Variants in KCNH5 observed in about 807,000 individuals in gnomAD.
KCNH5 encodes the protein voltage-gated delayed rectifier potassium channel KCNH5.
KCNH5 carries 46 observed loss-of-function variants against 96.1 expected under a neutral mutation model. The observed-to-expected ratio is 0.48, with a 90% CI of 0.38 to 0.61. The LOEUF (loss-of-function observed/expected upper bound fraction) is 0.61, where lower values mean the gene tolerates loss of function less well. Ranked by LOEUF, KCNH5 falls within the 20% of genes least tolerant of loss-of-function variation. The pLI is 0.00. For missense variants in KCNH5, 907 were observed against 1,225.8 expected, an observed-to-expected ratio of 0.74 and a Z score of 3.88; for synonymous variants, 439 against 449.8, an observed-to-expected ratio of 0.98 and a Z score of 0.30.
chr14:62,814,872 G>C (rs1394436761), intron 8 of KCNH5, among the ~76,000 whole-genome samples: 1 of 140,956 alleles, frequency 7.1e-6, no homozygotes, highest in Non-Finnish European at 1.5e-5. Flanking sequence ...TGGCTATATT[G>C]TAACAGTTGA....
intron 3 of KCNH5, among the ~76,000 whole-genome samples, chr14:63,003,025 G>A (rs898155885): frequency 4.6e-5 from 7 of 152,118 alleles, no homozygotes; most frequent in Admixed American, 3.3e-4. Flanking sequence ...GCTTGAGGCA[G>A]AAGGGTCATA....
At chr14:62,961,968 C>T (rs960807130) in intron 6 of KCNH5, among the ~76,000 whole-genome samples, 5 of 128,378 alleles carry the variant, frequency 3.9e-5, no homozygotes, top group Admixed American at 7.9e-5. Flanking sequence ...CAGATGGAGA[C>T]GGAGATGCAG....
intron 7 of KCNH5, among the ~76,000 whole-genome samples, chr14:62,907,620 T>C (rs572983223): frequency 1.3e-5 from 2 of 152,180 alleles, no homozygotes; most frequent in African/African-American, 4.8e-5. Context: ...GTCTGGAAAT[T>C]GAGGGTCAAT....
chr14:62,916,871 G>A (rs1360830149), intron 7 of KCNH5, among the ~76,000 whole-genome samples: 1 of 152,160 alleles, frequency 6.6e-6, no homozygotes, highest in Non-Finnish European at 1.5e-5. Context: ...TAAGGAAAGA[G>A]GTCCAGACAA....
intron 9 of KCNH5, among the ~76,000 whole-genome samples, chr14:62,780,326 G>GC (rs1229308524): frequency 1.3e-5 from 2 of 152,172 alleles, no homozygotes; most frequent in Admixed American, 1.3e-4. Flanking sequence ...TGCTGTAACA[G>GC]CCTTTATAAA....
Position 62,950,410 on chromosome 14 carries a change from G to A in KCNH5, c.1092C>T (p.Ala364=). ...AGTCTCCGATGCTATACCATATGCA[G>A]GCCAGCCAGTGGGCCACCAGTCCAA... The part of the protein sequence containing the change: ...CVFGLVAHWL[A]CIWYSIGDYE... The change falls in exon 7 of 11, where the codon GCC becomes GCT. Residue 364 remains alanine, a synonymous_variant. Coordinates refer to ENST00000322893, the MANE Select transcript of KCNH5 (RefSeq NM_139318.5). 1 of 1,613,942 alleles carries A rather than the reference G, an allele frequency of 6.2e-7. No homozygotes were observed. Among genetic ancestry groups the A allele is most frequent in the Non-Finnish European group, 8.5e-7 (1 of 1,179,970 alleles).
chr14:62,911,739 T>A, intron 7 of KCNH5, among the ~76,000 whole-genome samples: 2 of 150,564 alleles, frequency 1.3e-5, no homozygotes, highest in Non-Finnish European at 1.5e-5. Context: ...TTTTTTTAAC[T>A]CAAAAACTGT....
At chr14:63,044,325 G>A (rs1487581884) in intron 1 of KCNH5, among the ~76,000 whole-genome samples, 1 of 152,154 alleles carries the variant, frequency 6.6e-6, no homozygotes, top group Non-Finnish European at 1.5e-5. Context: ...GGAAATGAAT[G>A]TATAAATGGA....
chr14:62,916,568 T>C (rs1233957333), intron 7 of KCNH5, among the ~76,000 whole-genome samples: 1 of 152,230 alleles, frequency 6.6e-6, no homozygotes, highest in African/African-American at 2.4e-5. Flanking sequence ...TGTTGTGCCA[T>C]TGACGTGCCT....
At chr14:62,853,850 T>G (rs1196318275) in intron 7 of KCNH5, among the ~76,000 whole-genome samples, 1 of 151,562 alleles carries the variant, frequency 6.6e-6, no homozygotes, top group Non-Finnish European at 1.5e-5. Flanking sequence ...CTACTAAAAA[T>G]ACAAAAATTA....
chr14:63,011,560 G>A (rs1025488106), intron 2 of KCNH5, among the ~76,000 whole-genome samples: 3 of 151,906 alleles, frequency 2.0e-5, no homozygotes, highest in Non-Finnish European at 2.9e-5. Context: ...TTTATACAGA[G>A]GATCATAACC....
intron 10 of KCNH5, among the ~76,000 whole-genome samples, chr14:62,721,078 T>C (rs1247065465): frequency 6.6e-6 from 1 of 152,188 alleles, no homozygotes; most frequent in Non-Finnish European, 1.5e-5. Context: ...CCTTTATTAT[T>C]CTCTTAGTCA....
intron 10 of KCNH5, among the ~76,000 whole-genome samples, chr14:62,750,350 C>T (rs1217532898): frequency 6.6e-6 from 1 of 152,166 alleles, no homozygotes; most frequent in Admixed American, 6.5e-5. Context: ...TGATTAGCAC[C>T]TGATATTAAC....
chr14:62,966,469 A>T (rs1369775530), intron 6 of KCNH5, among the ~76,000 whole-genome samples: 1 of 152,212 alleles, frequency 6.6e-6, no homozygotes, highest in Non-Finnish European at 1.5e-5. Flanking sequence ...CAAGTACTGG[A>T]GCCATCTTGA....
chr14:62,845,416 T>C (rs1887670802), intron 8 of KCNH5, among the ~76,000 whole-genome samples: 1 of 152,178 alleles, frequency 6.6e-6, no homozygotes, highest in Admixed American at 6.5e-5. Context: ...ATGGCATAGA[T>C]AGATAATTGA....
At chr14:62,817,384 T>C (rs1269215523) in intron 8 of KCNH5, among the ~76,000 whole-genome samples, 2 of 148,372 alleles carry the variant, frequency 1.3e-5, no homozygotes, top group African/African-American at 2.5e-5. Flanking sequence ...AGCTTAAGAA[T>C]ACAATGAACA....
intron 1 of KCNH5, among the ~76,000 whole-genome samples, chr14:63,033,937 T>A (rs1891676201): frequency 6.6e-6 from 1 of 152,154 alleles, no homozygotes; most frequent in South Asian, 2.1e-4. Context: ...GTTTTTTGCT[T>A]TGAGACAGAA....
intron 9 of KCNH5, among the ~76,000 whole-genome samples, chr14:62,789,127 C>A (rs1046284382): frequency 7.9e-5 from 12 of 151,946 alleles, no homozygotes; most frequent in African/African-American, 2.9e-4. Flanking sequence ...TATTCTCTAT[C>A]TTTGTATATT....
At chr14:62,956,006 C>T (rs1248459823) in intron 6 of KCNH5, among the ~76,000 whole-genome samples, 2 of 152,080 alleles carry the variant, frequency 1.3e-5, no homozygotes, top group Admixed American at 6.6e-5. Flanking sequence ...CTGTCCTTAC[C>T]CCCAATCTCT....
Sources: gnomAD v4.1 joint callset for allele counts (sites outside exome capture counted in the v4.1 genomes callset) on GRCh38, gnomAD v4.1.1 for gene constraint, MANE v1.5 for transcripts, NCBI Gene and HGNC (gene_info 2026-07-23, HGNC 2026-07-21) for gene names.